CNTN3: variants seen among roughly 807,000 people sequenced by gnomAD.
The protein encoded by CNTN3 is contactin 3, also known as contactin-3.
CNTN3 carries 60 observed loss-of-function variants against 119.1 expected under a neutral mutation model. The ratio of observed to expected loss-of-function variants is 0.50; its 90% CI spans 0.41 to 0.62. The LOEUF is 0.62. Ranked by LOEUF, CNTN3 falls within the 20% of genes least tolerant of loss-of-function variation. CNTN3 has a pLI of 0.00. For synonymous variants in CNTN3, 450 were observed against 438.7 expected (o/e 1.03, Z -0.32); for missense variants, 1,101 against 1,242.4 (o/e 0.89, Z 1.71).
chr3:74,590,365 C>A (rs74538577), intron 1 of CNTN3, among the ~76,000 whole-genome samples: 7,266 of 152,002 alleles, frequency 0.048, 210 homozygotes, highest in African/African-American at 0.084. Flanking sequence ...CACAGATGCC[C>A]AACTATCACA....
intron 1 of CNTN3, among the ~76,000 whole-genome samples, chr3:74,591,059 G>A (rs1399965596): frequency 6.6e-6 from 1 of 151,892 alleles, no homozygotes; most frequent in African/African-American, 2.4e-5. Flanking sequence ...TGCAAGCATT[G>A]GCAACCTCAT....
At chr3:74,265,549 TTAGTTCTGCAATAAGTA>T (rs1323417228) in intron 22 of CNTN3, among the ~76,000 whole-genome samples, 1 of 152,190 alleles carries the variant, frequency 6.6e-6, no homozygotes, top group Non-Finnish European at 1.5e-5. Flanking sequence ...TTTGCAGAAC[TTAGTTCTGCAATAAGTA>T]GTTCCTGTTT....
intron 1 of CNTN3, among the ~76,000 whole-genome samples, chr3:74,600,112 T>C (rs1285363574): frequency 6.6e-6 from 1 of 151,974 alleles, no homozygotes; most frequent in African/African-American, 2.4e-5. Flanking sequence ...GAATTAATCA[T>C]ATGTGGGATA....
At chr3:74,298,837 C>T (rs1245812055) in intron 17 of CNTN3, among the ~76,000 whole-genome samples, 1 of 139,382 alleles carries the variant, frequency 7.2e-6, no homozygotes, top group Admixed American at 7.7e-5. Flanking sequence ...GTGGAGATTG[C>T]AATGAGCCGA....
intron 4 of CNTN3, among the ~76,000 whole-genome samples, chr3:74,467,397 C>T (rs1298761435): frequency 6.6e-6 from 1 of 152,068 alleles, no homozygotes; most frequent in Non-Finnish European, 1.5e-5. Context: ...CAAAAGAGAT[C>T]ATTACTCTGA....
chr3:74,309,068 A>ATATCATGT (rs1285136481), intron 13 of CNTN3, among the ~76,000 whole-genome samples: 2 of 152,012 alleles, frequency 1.3e-5, no homozygotes, highest in African/African-American at 4.8e-5. Context: ...GACAGGCCTA[A>ATATCATGT]TATCATGTTT....
intron 13 of CNTN3, among the ~76,000 whole-genome samples, chr3:74,333,198 T>A (rs1373814482): frequency 6.6e-6 from 1 of 152,246 alleles, no homozygotes; most frequent in Non-Finnish European, 1.5e-5. Context: ...TACACTTAAT[T>A]GTAGTTAGGT....
intron 5 of CNTN3, among the ~76,000 whole-genome samples, chr3:74,371,927 T>C (rs1368915440): frequency 2.0e-5 from 3 of 152,090 alleles, no homozygotes; most frequent in Non-Finnish European, 4.4e-5. Context: ...ACAACTCCTG[T>C]TGTCTCTGTC....
At chr3:74,267,563 C>G (rs1334679948) in intron 20 of CNTN3, 185 bp from the exon 21 acceptor site, 1 of 504,898 alleles carries the variant, frequency 2.0e-6, no homozygotes, top group African/African-American at 1.9e-5. Context: ...TTTAGAAAGG[C>G]ATTTCATTCA....
intron 1 of CNTN3, among the ~76,000 whole-genome samples, chr3:74,611,654 A>G (rs979411485): frequency 5.3e-5 from 8 of 152,170 alleles, no homozygotes; most frequent in Non-Finnish European, 7.4e-5. Flanking sequence ...CTTTGCAACA[A>G]TGATATTCTC....
chr3:74,290,229 G>A (rs1394743147), intron 19 of CNTN3, among the ~76,000 whole-genome samples: 1 of 152,170 alleles, frequency 6.6e-6, no homozygotes, highest in Middle Eastern at 3.2e-3. Flanking sequence ...TATGTTAGAT[G>A]GTGTAGCGTA....
chr3:74,370,703 G>A (rs1389498237), intron 6 of CNTN3, among the ~76,000 whole-genome samples: 2 of 151,956 alleles, frequency 1.3e-5, no homozygotes, highest in Non-Finnish European at 2.9e-5. Context: ...CTGCTTCCTC[G>A]GCAGCTCATA....
At position 74,587,859 on chromosome 3, in the gene CNTN3, C is replaced by T. The variant is rs535364316; in HGVS notation, c.-81+26532G>A. 4.0e-4 allele frequency among the ~76,000 whole-genome samples: 61 copies of T among 152,314 alleles called. No homozygotes were observed. The Middle Eastern group carries it at 0.01, about 25-fold the overall frequency. Reference sequence around the variant, plus strand: ...GAATAGGAGGCGTGAGAGAGGGCATCCCTGTCTTGTGCCAGTTTTCAAAGG... The same window carrying T: ...GAATAGGAGGCGTGAGAGAGGGCATTCCTGTCTTGTGCCAGTTTTCAAAGG... On this transcript the variant is annotated intron_variant, in intron 1 of 22. Transcript: ENST00000263665.
chr3:74,600,408 T>G (rs1704890665), intron 1 of CNTN3, among the ~76,000 whole-genome samples: 1 of 152,082 alleles, frequency 6.6e-6, no homozygotes, highest in African/African-American at 2.4e-5. Context: ...GTGGAGGCTG[T>G]TCTAGAATGA....
At chr3:74,270,177 T>C (rs1003733258) in intron 20 of CNTN3, among the ~76,000 whole-genome samples, 1 of 152,174 alleles carries the variant, frequency 6.6e-6, no homozygotes, top group Non-Finnish European at 1.5e-5. Context: ...ATGGGACTTG[T>C]GGTTCCCTGC....
chr3:74,371,964 C>T (rs1704350550), intron 5 of CNTN3, among the ~76,000 whole-genome samples: 1 of 152,092 alleles, frequency 6.6e-6, no homozygotes, highest in Admixed American at 6.6e-5. Context: ...CTACTTTCAA[C>T]ACCAACCACA....
At chr3:74,348,227 AGATAT>A (rs148990345) in intron 11 of CNTN3, among the ~76,000 whole-genome samples, 4,357 of 152,322 alleles carry the variant, frequency 0.029, 201 homozygotes, top group African/African-American at 0.099. Flanking sequence ...GTGCGGTGAT[AGATAT>A]GATATGATAA....
At chr3:74,579,743 T>A (rs1360363046) in intron 1 of CNTN3, among the ~76,000 whole-genome samples, 1 of 152,034 alleles carries the variant, frequency 6.6e-6, no homozygotes. Flanking sequence ...CATATAAAAA[T>A]TGTATTTGCA....
chr3:74,518,410 G>T (rs1703487468), intron 2 of CNTN3, among the ~76,000 whole-genome samples: 1 of 151,900 alleles, frequency 6.6e-6, no homozygotes, highest in Non-Finnish European at 1.5e-5. Context: ...TTTATATGCA[G>T]GGATCAGTGA....
Sources: gnomAD v4.1 joint callset for allele counts (sites outside exome capture counted in the v4.1 genomes callset) on GRCh38, gnomAD v4.1.1 for gene constraint, MANE v1.5 for transcripts, NCBI Gene and HGNC (gene_info 2026-07-23, HGNC 2026-07-21) for gene names.